Variants in LRRTM4 observed in about 807,000 individuals in gnomAD.
LRRTM4 encodes the protein leucine rich repeat transmembrane neuronal 4.
In LRRTM4, 25 loss-of-function variants were observed where a neutral mutation model predicts 47.6. That is an observed-to-expected ratio of 0.53 (90% CI 0.38 to 0.73). The LOEUF is 0.73. LRRTM4 is among the 30% of genes least tolerant of loss of function. LRRTM4 has a pLI of 0.00. For synonymous variants in LRRTM4, 311 were observed against 269.5 expected (o/e 1.15, Z -1.51); for missense variants, 638 against 713.4 (o/e 0.89, Z 1.20).
chr2:76,937,563 A>C (rs1158685544), intron 3 of LRRTM4, among the ~76,000 whole-genome samples: 1 of 152,144 alleles, frequency 6.6e-6, no homozygotes, highest in Admixed American at 6.5e-5. Context: ...TCTTTACAAA[A>C]TCTTTCTTTT....
chr2:76,891,293 G>A (rs934788737), intron 3 of LRRTM4, among the ~76,000 whole-genome samples: 2 of 151,678 alleles, frequency 1.3e-5, no homozygotes, highest in Non-Finnish European at 2.9e-5. Context: ...TCAATCACCC[G>A]CTCCTCCTAA....
chr2:76,848,710 G>A (rs993841422), intron 3 of LRRTM4, among the ~76,000 whole-genome samples: 2 of 152,094 alleles, frequency 1.3e-5, no homozygotes, highest in East Asian at 1.9e-4. Flanking sequence ...CTTGTAATGT[G>A]TGAATGTTAA....
chr2:77,039,847 T>C (rs559879080), intron 3 of LRRTM4, among the ~76,000 whole-genome samples: 2 of 151,284 alleles, frequency 1.3e-5, no homozygotes, highest in South Asian at 2.1e-4. Flanking sequence ...AGGGAGATTA[T>C]CTTTAAACTA....
chr2:76,895,461 G>A (rs533936524), intron 3 of LRRTM4, among the ~76,000 whole-genome samples: 1 of 152,142 alleles, frequency 6.6e-6, no homozygotes, highest in African/African-American at 2.4e-5. Context: ...GATACATCAA[G>A]CTAAAATCAT....
chr2:76,752,260 A>G (rs1196504523), intron 3 of LRRTM4, among the ~76,000 whole-genome samples: 1 of 152,202 alleles, frequency 6.6e-6, no homozygotes, highest in East Asian at 1.9e-4. Flanking sequence ...GTTTACTTAA[A>G]GCCTTTTAAT....
At chr2:77,313,165 C>T (rs529970846) in intron 3 of LRRTM4, among the ~76,000 whole-genome samples, 30 of 129,888 alleles carry the variant, frequency 2.3e-4, no homozygotes, top group South Asian at 1.7e-3. Flanking sequence ...GTTGCTGTGA[C>T]GTGCCTCCCT....
intron 3 of LRRTM4, among the ~76,000 whole-genome samples, chr2:77,265,669 G>C (rs1181574808): frequency 6.6e-6 from 1 of 152,038 alleles, no homozygotes. Flanking sequence ...TATGTACAAA[G>C]AAGTGTACTA....
chr2:77,412,154 A>G (rs1674468564), intron 3 of LRRTM4, among the ~76,000 whole-genome samples: 1 of 152,178 alleles, frequency 6.6e-6, no homozygotes, highest in African/African-American at 2.4e-5. Flanking sequence ...CATCAACATG[A>G]ATATCTCCTC....
At chr2:76,963,063 G>C (rs1005286516) in intron 3 of LRRTM4, among the ~76,000 whole-genome samples, 7 of 150,716 alleles carry the variant, frequency 4.6e-5, no homozygotes, top group Non-Finnish European at 1.0e-4. Context: ...AATAAATTTA[G>C]CTTTCATCTA....
chr2:77,221,849 A>ACT (rs1674644555), intron 3 of LRRTM4, among the ~76,000 whole-genome samples: 1 of 152,102 alleles, frequency 6.6e-6, no homozygotes. Context: ...CTCTGCACCA[A>ACT]GCAGACCTAA....
intron 3 of LRRTM4, among the ~76,000 whole-genome samples, chr2:76,869,193 C>A (rs961809917): frequency 1.3e-5 from 2 of 151,916 alleles, no homozygotes; most frequent in Non-Finnish European, 2.9e-5. Context: ...CCTTTAGTCC[C>A]AGCTACTTGG....
chr2:77,172,035 A>G (rs1172589507), intron 3 of LRRTM4, among the ~76,000 whole-genome samples: 2 of 152,100 alleles, frequency 1.3e-5, no homozygotes, highest in Admixed American at 6.6e-5. Context: ...TCAGCTATCA[A>G]TTTTCAAAAT....
Position 77,356,246 on chromosome 2 carries a change from C to A in LRRTM4, c.1551+162072G>T, listed in dbSNP as rs946378412. On this transcript the variant is annotated intron_variant, in intron 3 of 3. Coordinates refer to ENST00000409884, the MANE Select transcript of LRRTM4 (RefSeq NM_001134745.3). ...TTTAGGAATACTTATTAGACACTAT[C>A]CTTTATGATAATCTGAAGAACATTT... Among the ~76,000 whole-genome samples, 7 of 152,226 alleles carry A rather than the reference C, an allele frequency of 4.6e-5. No homozygotes were observed. The East Asian group carries it at 1.4e-3, about 29-fold the overall frequency.
intron 3 of LRRTM4, among the ~76,000 whole-genome samples, chr2:77,332,641 T>C (rs527482338): frequency 4.1e-4 from 63 of 152,306 alleles, no homozygotes; most frequent in African/African-American, 1.5e-3. Context: ...GCCCCAAATA[T>C]ATTATCTTCT....
Position 77,427,345 on chromosome 2 carries a change from G to GA in LRRTM4, c.1551+90972dup, listed in dbSNP as rs372604564. 2.2e-3 allele frequency among the ~76,000 whole-genome samples: 338 copies of GA among 152,140 alleles called. 1 individual carries two copies. The highest frequency in any genetic ancestry group is 8.0e-3 in the African/African-American group (332 of 41,508). On this transcript the variant is annotated intron_variant, in intron 3 of 3. Transcript: ENST00000409884. ...AGTTAATATCTGAGAAAAATTTGTT[G>GA]AAAAAATAACAAATAAGGACTCTTA...
intron 3 of LRRTM4, among the ~76,000 whole-genome samples, chr2:77,105,498 G>A (rs750596720): frequency 3.7e-5 from 5 of 135,082 alleles, no homozygotes; most frequent in Non-Finnish European, 4.7e-5. Context: ...ATCACACACC[G>A]GGGCCTGTTG....
intron 3 of LRRTM4, among the ~76,000 whole-genome samples, chr2:77,132,840 G>C (rs1301423281): frequency 6.6e-6 from 1 of 152,108 alleles, no homozygotes; most frequent in Non-Finnish European, 1.5e-5. Context: ...CAGAAGCATA[G>C]TTTTAAGGAA....
intron 3 of LRRTM4, among the ~76,000 whole-genome samples, chr2:77,053,914 G>T (rs1679519227): frequency 6.6e-6 from 1 of 152,092 alleles, no homozygotes. Context: ...AACCTGTGTT[G>T]ATGTGAGTGG....
intron 3 of LRRTM4, among the ~76,000 whole-genome samples, chr2:76,959,156 CTT>C (rs1277646419): frequency 6.6e-6 from 1 of 151,774 alleles, no homozygotes; most frequent in East Asian, 2.0e-4. Context: ...AATTTAATGT[CTT>C]TTCGTAATCT....
Sources: gnomAD v4.1 joint callset for allele counts (sites outside exome capture counted in the v4.1 genomes callset) on GRCh38, gnomAD v4.1.1 for gene constraint, MANE v1.5 for transcripts, NCBI Gene and HGNC (gene_info 2026-07-23, HGNC 2026-07-21) for gene names.